SLAMF9: variants seen among roughly 807,000 people sequenced by gnomAD.
SLAMF9 encodes the protein CD2 family member 10.
SLAMF9 carries 25 observed loss-of-function variants against 30.4 expected under a neutral mutation model. The observed-to-expected ratio is 0.82, with a 90% CI of 0.60 to 1.15. The LOEUF is 1.15. Among genes scored for constraint, SLAMF9 ranks in the 50% most tolerant of loss-of-function variants. The pLI is 0.00. For synonymous variants in SLAMF9, 129 were observed against 127.2 expected, an observed-to-expected ratio of 1.01 and a Z score of -0.09; for missense variants, 344 against 346.1, an observed-to-expected ratio of 0.99 and a Z score of 0.05.
chr1:159,958,604 G>A (rs1221254334), upstream of SLAMF9, among the ~76,000 whole-genome samples: 1 of 152,058 alleles, frequency 6.6e-6, no homozygotes, highest in African/African-American at 2.4e-5. Flanking sequence ...GGGACTACAG[G>A]TGAGCACCAC....
rs760249866 is a variant in SLAMF9, at chr1:159,954,177, C to G, written c.-40G>C. ...GCCCCAGAGGTGTGATTCAGTCAGT[C>G]AGTCCCCAGGACTGTGCAGAAGACT... On this transcript the variant is annotated 5_prime_UTR_variant, in exon 1 of 4. Coordinates refer to ENST00000368093, the MANE Select transcript of SLAMF9 (RefSeq NM_033438.4). 6.2e-7 allele frequency: 1 copy of G among 1,613,044 alleles called. No homozygotes were observed. Among genetic ancestry groups the G allele is most frequent in the South Asian group, 1.1e-5 (1 of 90,896 alleles).
At position 159,952,453 on chromosome 1, in the gene SLAMF9, A is replaced by C. The variant is rs1230855947; in HGVS notation, c.473T>G (p.Val158Gly). The change falls in exon 3 of 4, where the codon GTG becomes GGG. Residue 158 changes from valine to glycine, a missense_variant. Physicochemically the swap from Val to Gly is moderately radical, Grantham distance 109. Transcript: ENST00000368093. ...GGTCATATCCATGCCTGCCTTCTCC[A>C]CAGAGCACACCAGGGACATACTGCA... is the stretch of plus-strand genomic sequence containing the variant. ...GACSMSLVCS[V>G]EKAGMDMTYS... The C allele has an allele frequency of 6.2e-7, 1 of 1,614,110 alleles. No homozygotes were observed. The highest frequency in any genetic ancestry group is 2.2e-5 in the East Asian group (1 of 44,870).
In SLAMF9 at chr1:159,952,411, C is replaced by CG; in HGVS notation, c.514dup (p.Arg172ProfsTer4). 20 of 1,614,048 alleles carry CG rather than the reference C, an allele frequency of 1.2e-5. No individual in the cohort carries two copies. The highest frequency in any genetic ancestry group is 1.6e-5 in the Non-Finnish European group (19 of 1,179,982). On this transcript the variant is annotated frameshift_variant, in exon 3 of 4. Coordinates refer to ENST00000368093, the MANE Select transcript of SLAMF9 (RefSeq NM_033438.4). LOFTEE classifies it high-confidence loss of function. ...ATGGAATGTATAAGTGCTATCCCCC[C>CG]GGGAGAGCCAGCTGTAGGTCATATC...
upstream of SLAMF9, among the ~76,000 whole-genome samples, chr1:159,956,912 G>A (rs1240306837): frequency 6.6e-6 from 1 of 151,788 alleles, no homozygotes; most frequent in African/African-American, 2.4e-5. Flanking sequence ...AAGGTCAGGA[G>A]ATCAAGACCA....
At chr1:159,966,742 T>C in the SLAMF9 span, among the ~76,000 whole-genome samples, 1 of 152,228 alleles carries the variant, frequency 6.6e-6, no homozygotes, top group Admixed American at 6.5e-5. Flanking sequence ...TTAATGAACC[T>C]GTTAGCCATT....
At chr1:159,970,983 T>C in the SLAMF9 span, among the ~76,000 whole-genome samples, 1 of 152,196 alleles carries the variant, frequency 6.6e-6, no homozygotes, top group Non-Finnish European at 1.5e-5. Context: ...GGTACTCTTC[T>C]GGCATCAGTG....
chr1:159,961,594 A>G, the SLAMF9 span, among the ~76,000 whole-genome samples: 3 of 152,186 alleles, frequency 2.0e-5, no homozygotes, highest in African/African-American at 7.2e-5. Flanking sequence ...GTGGATGGAG[A>G]GAACTGTAAG....
chr1:159,975,532 G>A, the SLAMF9 span, among the ~76,000 whole-genome samples: 1 of 152,110 alleles, frequency 6.6e-6, no homozygotes, highest in African/African-American at 2.4e-5. Context: ...GCAGTAATCA[G>A]ACAAACTCAA....
chr1:159,975,208 C>A, the SLAMF9 span, among the ~76,000 whole-genome samples: 1 of 152,136 alleles, frequency 6.6e-6, no homozygotes, highest in Non-Finnish European at 1.5e-5. Context: ...TTATTGAGTA[C>A]CTCTACATGC....
At chr1:159,955,749 C>T (rs1232271625), upstream of SLAMF9, among the ~76,000 whole-genome samples, 1 of 152,110 alleles carries the variant, frequency 6.6e-6, no homozygotes, top group Non-Finnish European at 1.5e-5. Flanking sequence ...AAGTTGGAGT[C>T]AGGAGGGTTG....
rs1353484310 is a variant in SLAMF9 at position 159,954,216 on chromosome 1, C to T, written c.-79G>A. On this transcript the variant is annotated 5_prime_UTR_variant, in exon 1 of 4. Coordinates refer to ENST00000368093, the MANE Select transcript of SLAMF9 (RefSeq NM_033438.4). Reference sequence around the variant, plus strand: ...GTGCAGAAGACTGCATTAGGAGGCTCCTAGACACAAAGAGCCTGACTGATG... The same window carrying T: ...GTGCAGAAGACTGCATTAGGAGGCTTCTAGACACAAAGAGCCTGACTGATG... 4 of 1,541,846 alleles carry T rather than the reference C, an allele frequency of 2.6e-6. No individual in the cohort carries two copies. Among genetic ancestry groups the T allele is most frequent in the Middle Eastern group, 1.7e-4 (1 of 5,900 alleles).
the SLAMF9 span, among the ~76,000 whole-genome samples, chr1:159,961,649 CA>C: frequency 6.6e-6 from 1 of 152,122 alleles, no homozygotes; most frequent in African/African-American, 2.4e-5. Context: ...CATTGTGAAA[CA>C]AAGGAGAAAA....
the SLAMF9 span, among the ~76,000 whole-genome samples, chr1:159,960,670 A>G: frequency 6.6e-6 from 1 of 151,874 alleles, no homozygotes. Flanking sequence ...TGGCCAGGCT[A>G]GTCTTGAACT....
chr1:159,952,280 C>A lies in SLAMF9; in HGVS notation c.646G>T (p.Asp216Tyr). Residue 216 changes from aspartate (D) to tyrosine (Y), a missense_variant, in exon 3 of 4, where the codon GAT becomes TAT. Asp to Tyr is a radical substitution (Grantham distance 160). Transcript: ENST00000368093. Reference sequence around the variant, plus strand: ...CTGGTACCTGCATAGAAGGGCCCATCAGGGATGGGGCAAGAACTGACGTTG... The same window carrying A: ...CTGGTACCTGCATAGAAGGGCCCATAAGGGATGGGGCAAGAACTGACGTTG... The part of the protein sequence containing the change: ...ISNVSSCPIP[D>Y]GPFYADPNYA... The A allele has an allele frequency of 1.2e-6, 2 of 1,614,026 alleles. No homozygotes were observed. The highest frequency in any genetic ancestry group is 1.1e-5 in the South Asian group (1 of 91,080).
the SLAMF9 span, among the ~76,000 whole-genome samples, chr1:159,967,617 T>G: frequency 6.6e-6 from 1 of 152,252 alleles, no homozygotes; most frequent in African/African-American, 2.4e-5. Flanking sequence ...ACTTAAGGAT[T>G]GTTTTTCTAT....
upstream of SLAMF9, among the ~76,000 whole-genome samples, chr1:159,956,625 G>A (rs1431281015): frequency 1.3e-5 from 2 of 152,210 alleles, no homozygotes; most frequent in East Asian, 1.9e-4. Flanking sequence ...CCATCCTCCT[G>A]GAGTGAGGAA....
At chr1:159,961,838 G>A in the SLAMF9 span, among the ~76,000 whole-genome samples, 13 of 151,510 alleles carry the variant, frequency 8.6e-5, no homozygotes, top group African/African-American at 2.4e-4. Flanking sequence ...GTATAGACCT[G>A]CTGAGTTTAT....
chr1:159,954,818 T>G (rs549592355), upstream of SLAMF9, among the ~76,000 whole-genome samples: 1 of 152,130 alleles, frequency 6.6e-6, no homozygotes, highest in Non-Finnish European at 1.5e-5. Flanking sequence ...ATGGCTCACA[T>G]CTGGAATCCC....
At chr1:159,966,493 T>C in the SLAMF9 span, among the ~76,000 whole-genome samples, 1 of 152,230 alleles carries the variant, frequency 6.6e-6, no homozygotes, top group Non-Finnish European at 1.5e-5. Flanking sequence ...AGTGGGATAG[T>C]TGGATCATAT....
Sources: allele counts gnomAD v4.1 joint callset (sites outside exome capture counted in the v4.1 genomes callset), GRCh38; gene constraint gnomAD v4.1.1; transcripts MANE v1.5; gene names NCBI Gene and HGNC (gene_info 2026-07-23, HGNC 2026-07-21).